Variants in SYNE2 observed in about 807,000 individuals in gnomAD.
SYNE2 encodes nesprin-2.
A neutral mutation model predicts 856.3 loss-of-function variants in SYNE2; 431 were observed. That is an observed-to-expected ratio of 0.50 (90% CI 0.47 to 0.55). The LOEUF (loss-of-function observed/expected upper bound fraction) is 0.55. Ranked by LOEUF, SYNE2 falls within the 20% of genes least tolerant of loss-of-function variation. The probability of loss-of-function intolerance (pLI) is 0.00; values close to 1 mark genes in which losing one functional copy is unlikely to be tolerated. For synonymous variants in SYNE2, 2,923 were observed against 2,872.3 expected (o/e 1.02, Z -0.56); for missense variants, 8,129 against 8,023.2 (o/e 1.01, Z -0.50).
Position 63,783,661 on chromosome 14 carries a change from T to C in SYNE2, c.-305+21675T>C, listed in dbSNP as rs1262857164. ...TGATGAAACATAAGACACATCCAAATTGAATAACATTCTACAAAATATCTG... is the reference window on the plus strand; with the variant it reads ...TGATGAAACATAAGACACATCCAAACTGAATAACATTCTACAAAATATCTG... On this transcript the variant is annotated intron_variant, in intron 1 of 23. Transcript: ENST00000674003. 2.0e-5 allele frequency among the ~76,000 whole-genome samples: 3 copies of C among 152,170 alleles called. No individual in the cohort carries two copies. In the South Asian group the frequency reaches 6.2e-4, roughly 32 times the overall value.
At chr14:64,149,758 C>CA (rs1442575358) in intron 84 of SYNE2, among the ~76,000 whole-genome samples, 1 of 152,058 alleles carries the variant, frequency 6.6e-6, no homozygotes, top group Non-Finnish European at 1.5e-5. Context: ...CCATAATTAG[C>CA]AAAAGATTAT....
chr14:64,115,997 A>ACT (rs1567344708), intron 66 of SYNE2, among the ~76,000 whole-genome samples: 24 of 152,166 alleles, frequency 1.6e-4, no homozygotes, highest in African/African-American at 5.3e-4. Flanking sequence ...CTACAAAATA[A>ACT]TTTAAAAAAA....
At chr14:64,222,988 T>C (rs1279187227) in intron 112 of SYNE2, among the ~76,000 whole-genome samples, 1 of 152,124 alleles carries the variant, frequency 6.6e-6, no homozygotes, top group Non-Finnish European at 1.5e-5. Context: ...AAATTAAAAA[T>C]AGGGGCAGGG....
intron 1 of SYNE2, among the ~76,000 whole-genome samples, chr14:63,833,223 A>AAAAGT (rs1390564061): frequency 9.2e-5 from 14 of 152,052 alleles, no homozygotes; most frequent in African/African-American, 3.4e-4. Flanking sequence ...AAAAGAAAAG[A>AAAAGT]AAAGAAATGT....
In SYNE2 at chr14:64,221,709, G is replaced by T; in HGVS notation, c.20190+5G>T. 6.2e-7 allele frequency: 1 copy of T among 1,614,004 alleles called. No individual in the cohort carries two copies. Among genetic ancestry groups the T allele is most frequent in the Non-Finnish European group, 8.5e-7 (1 of 1,179,992 alleles). On this transcript the variant is annotated splice_donor_5th_base_variant and intron_variant, in intron 112 of 115. Coordinates refer to ENST00000555002, the MANE Select transcript of SYNE2 (RefSeq NM_182914.3). Reference sequence around the variant, plus strand: ...GAGTGTCGGAGGGAACTAATGGTAAGTTTCCTCCCAAGGGCTCTGTACTGC... The same window carrying T: ...GAGTGTCGGAGGGAACTAATGGTAATTTTCCTCCCAAGGGCTCTGTACTGC...
chr14:64,209,192 G>T, intron 101 of SYNE2: 1 of 819,530 alleles, frequency 1.2e-6, no homozygotes, highest in Non-Finnish European at 1.9e-6. Context: ...ACCTAGCTGG[G>T]CAGTAGTGGA....
At chr14:63,781,593 C>A (rs2139738467) in intron 1 of SYNE2, among the ~76,000 whole-genome samples, 1 of 151,402 alleles carries the variant, frequency 6.6e-6, no homozygotes, top group East Asian at 2.0e-4. Flanking sequence ...ATGGAAGTTA[C>A]ACATATGGAG....
chr14:64,188,601 T>G lies in SYNE2; in HGVS notation c.17764T>G (p.Phe5922Val), dbSNP rs954255572. 6.2e-7 allele frequency: 1 copy of G among 1,614,076 alleles called. No individual in the cohort carries two copies. Among genetic ancestry groups the G allele is most frequent in the African/African-American group, 1.3e-5 (1 of 74,918 alleles). The change falls in exon 98 of 116, where the codon TTC (phenylalanine) becomes GTC (valine). Residue 5922 changes from phenylalanine (F) to valine (V), a missense_variant. By Grantham distance (50) the Phe-to-Val change is conservative. This residue lies in a region of SYNE2 where 5,410 missense variants were observed against 5,284.8 expected (regional missense o/e 1.02). Transcript: ENST00000555002. Reference sequence around the variant, plus strand: ...AGACAGACTCAATACATGGGTTGTATTCAATGAAAAAAATAAAGAGTTGTG... The same window carrying G: ...AGACAGACTCAATACATGGGTTGTAGTCAATGAAAAAAATAAAGAGTTGTG... ...IEDRLNTWVV[F>V]NEKNKELCAW...
At chr14:63,874,676 A>C (rs1566676761) in intron 1 of SYNE2, among the ~76,000 whole-genome samples, 2 of 152,198 alleles carry the variant, frequency 1.3e-5, no homozygotes, top group South Asian at 4.1e-4. Context: ...TAAGAAACAA[A>C]AACTAATGGA....
At position 64,132,355 on chromosome 14, in the gene SYNE2, T is replaced by A; in HGVS notation, c.14431T>A (p.Phe4811Ile). Residue 4811 changes from phenylalanine to isoleucine, a missense_variant, in exon 77 of 116, where the codon TTT (phenylalanine) becomes ATT (isoleucine). Phe to Ile is a conservative substitution (Grantham distance 21). Coordinates refer to ENST00000555002, the MANE Select transcript of SYNE2 (RefSeq NM_182914.3). ...TTCTTTATTGCAAAACAGAGAGACA[T>A]TTTGGGCAGAACAAGTAACAGAAGT... is the stretch of plus-strand genomic sequence containing the variant. ...LPSLLQNRET[F>I]WAEQVTEVKI... The A allele has an allele frequency of 6.2e-7, 1 of 1,614,156 alleles. No individual in the cohort carries two copies. The highest frequency in any genetic ancestry group is 8.5e-7 in the Non-Finnish European group (1 of 1,180,016).
At chr14:63,837,707 G>A (rs1889902272) in intron 1 of SYNE2, among the ~76,000 whole-genome samples, 1 of 151,942 alleles carries the variant, frequency 6.6e-6, no homozygotes, top group Non-Finnish European at 1.5e-5. Flanking sequence ...TGGAGCCCAG[G>A]AGTTTGAGAC....
At chr14:63,958,973 A>G (rs1255878) in intron 8 of SYNE2, among the ~76,000 whole-genome samples, 104,113 of 152,076 alleles carry the variant, frequency 0.68, 35,921 homozygotes, top group South Asian at 0.77. Flanking sequence ...CATCAGTATG[A>G]AGTTTGCTTG....
In SYNE2 at chr14:64,214,211, G is replaced by A. The variant is rs775889767; in HGVS notation, c.19074G>A (p.Lys6358=). 1.2e-6 allele frequency: 2 copies of A among 1,614,184 alleles called. No homozygotes were observed. Among genetic ancestry groups the A allele is most frequent in the Admixed American group, 3.3e-5 (2 of 60,018 alleles). The change falls in exon 106 of 116, where the codon AAG becomes AAA. Residue 6358 remains lysine, a synonymous_variant. Transcript: ENST00000555002. ...TSCTPGLEDE[K]EASENETDME... ...TGGTTTAGGGCTTGGAAGATGAAAA[G>A]GAGGCCTCTGAGAATGAAACAGACA...
intron 1 of SYNE2, among the ~76,000 whole-genome samples, chr14:63,768,191 A>G (rs191804781): frequency 2.6e-4 from 39 of 150,086 alleles, no homozygotes; most frequent in African/African-American, 8.5e-4. Flanking sequence ...CCATGTCTCA[A>G]AAAAAAAAAA....
chr14:63,809,532 T>C (rs552766026), intron 1 of SYNE2, among the ~76,000 whole-genome samples: 1 of 152,260 alleles, frequency 6.6e-6, no homozygotes, highest in Non-Finnish European at 1.5e-5. Flanking sequence ...GCTGCTGGAG[T>C]GCGGGGGCAT....
intron 95 of SYNE2, among the ~76,000 whole-genome samples, chr14:64,176,399 A>G (rs2098435604): frequency 6.6e-6 from 1 of 152,222 alleles, no homozygotes; most frequent in South Asian, 2.1e-4. Context: ...TTCCTTGTCT[A>G]TCTCCTAAGG....
At position 64,127,757 on chromosome 14, in the gene SYNE2, C is replaced by T. The variant is rs141834207; in HGVS notation, c.13918-695C>T. On this transcript the variant is annotated intron_variant, in intron 73 of 115. Transcript: ENST00000555002. ...AATACTATTTATGAATGAGGCTTGC[C>T]CATAAAAATCAAGCCTGAATCTGAC... 8.0e-3 allele frequency among the ~76,000 whole-genome samples: 1,215 copies of T among 152,190 alleles called. 8 individuals are homozygous for T. The highest frequency in any genetic ancestry group is 0.013 in the Non-Finnish European group (870 of 68,010).
chr14:63,884,621 G>T (rs2094940047), intron 1 of SYNE2, among the ~76,000 whole-genome samples: 2 of 152,082 alleles, frequency 1.3e-5, no homozygotes, highest in African/African-American at 4.8e-5. Flanking sequence ...GGATGGAATA[G>T]GTGAGAGAGT....
At chr14:63,882,990 G>GTTT (rs140294720) in intron 1 of SYNE2, among the ~76,000 whole-genome samples, 2 of 136,414 alleles carry the variant, frequency 1.5e-5, no homozygotes, top group Admixed American at 1.4e-4. Context: ...TAAGCACTCT[G>GTTT]TTTTTTTTTT....
Sources: allele counts gnomAD v4.1 joint callset (sites outside exome capture counted in the v4.1 genomes callset), GRCh38; gene constraint gnomAD v4.1.1; regional missense constraint gnomAD v4.1.1; transcripts MANE v1.5; gene names NCBI Gene and HGNC (gene_info 2026-07-23, HGNC 2026-07-21).